ARVCF: variants seen among roughly 807,000 people sequenced by gnomAD.
ARVCF encodes splicing regulator ARVCF.
Under a neutral mutation model 90.9 loss-of-function variants are expected in ARVCF, and 66 were observed. The ratio of observed to expected loss-of-function variants is 0.73; its 90% CI spans 0.60 to 0.89. ARVCF has a LOEUF of 0.89. Ranked by LOEUF, ARVCF falls within the 40% of genes least tolerant of loss-of-function variation. The probability of loss-of-function intolerance (pLI) is 0.00; values close to 1 mark genes in which losing one functional copy is unlikely to be tolerated. For missense variants in ARVCF, 1,469 were observed against 1,382.3 expected (o/e 1.06, Z -1.00); for synonymous variants, 653 against 603.4 (o/e 1.08, Z -1.21).
At chr22:20,000,125 C>T (rs1601660486) in intron 2 of ARVCF, among the ~76,000 whole-genome samples, 2 of 152,322 alleles carry the variant, frequency 1.3e-5, no homozygotes, top group East Asian at 1.9e-4. Context: ...TCAGAGGAGC[C>T]AGTGGTGTGA....
chr22:19,970,150 G>A lies in ARVCF; in HGVS notation c.*606C>T. The A allele has an allele frequency of 1.0e-6, 1 of 986,606 alleles. No homozygotes were observed. The highest frequency in any genetic ancestry group is 1.2e-6 in the Non-Finnish European group (1 of 830,778). 61.1% of individuals were successfully genotyped at this position (986,606 alleles called of 1,614,324 possible). A position where few individuals can be genotyped will look rare whatever the true frequency, so the allele number is the denominator to read the frequency against. The stretch of plus-strand genomic sequence containing the variant: ...GAGAAAGGCTCTCTACTGCACAGGG[G>A]CCTCACGTGACTGCAGGGCTCTGGG... On this transcript the variant is annotated 3_prime_UTR_variant, in exon 20 of 20. Coordinates refer to ENST00000263207, the MANE Select transcript of ARVCF (RefSeq NM_001670.3).
intron 18 of ARVCF, among the ~76,000 whole-genome samples, chr22:19,971,660 C>T (rs550764962): frequency 5.3e-5 from 8 of 152,296 alleles, no homozygotes; most frequent in Non-Finnish European, 7.4e-5. Flanking sequence ...AGGCTCTGGC[C>T]CATGCAGGGT....
In ARVCF at chr22:19,980,166, G is replaced by C; in HGVS notation, c.973C>G (p.Leu325Val). 6.3e-7 allele frequency: 1 copy of C among 1,581,466 alleles called. No individual in the cohort carries two copies. Among genetic ancestry groups the C allele is most frequent in the East Asian group, 2.3e-5 (1 of 44,190 alleles). ...ATGCTGCCCCGTTCAGGCTGGGCCA[G>C]GGGCGCCGTCACCATTGGGAACGCA... ...RPAFPMVTAP[L>V]AQPERGSMGS... Residue 325 changes from leucine to valine, a missense_variant, in exon 6 of 20, where the codon CTG becomes GTG. Physicochemically the swap from Leu to Val is conservative, Grantham distance 32. Coordinates refer to ENST00000263207, the MANE Select transcript of ARVCF (RefSeq NM_001670.3).
At chr22:20,013,302 T>G (rs987015591) in intron 1 of ARVCF, among the ~76,000 whole-genome samples, 19 of 152,240 alleles carry the variant, frequency 1.2e-4, no homozygotes, top group Non-Finnish European at 4.4e-5. Context: ...GGGCACACAC[T>G]TGAAGGACAC....
rs113162666 is a variant in ARVCF at position 20,009,098 on chromosome 22, G to A, written c.-19+1357C>T. ...GCCTCCCTGAAGTGTGGTGACCTAC[G>A]AGGAGTTAAGGGCAGTGGGACAGCC... On this transcript the variant is annotated intron_variant, in intron 2 of 19. Coordinates refer to ENST00000263207, the MANE Select transcript of ARVCF (RefSeq NM_001670.3). Among the ~76,000 whole-genome samples the A allele has an allele frequency of 2.0e-3, 306 of 152,274 alleles. 2 individuals are homozygous for A. The Middle Eastern group carries it at 0.027, about 14-fold the overall frequency.
At chr22:19,975,181 C>T (rs1943080925) in intron 11 of ARVCF, among the ~76,000 whole-genome samples, 1 of 152,206 alleles carries the variant, frequency 6.6e-6, no homozygotes, top group African/African-American at 2.4e-5. Context: ...GACATGCAGG[C>T]TCTTCCAACT....
At chr22:19,974,013 C>T in intron 12 of ARVCF, 99 bp downstream of exon 12, 1 of 1,524,228 alleles carries the variant, frequency 6.6e-7, no homozygotes, top group Non-Finnish European at 8.8e-7. Context: ...GTGGTGTGGC[C>T]CCTCCTTTCC....
intron 18 of ARVCF, 130 bp from the exon 19 acceptor site, chr22:19,971,465 CAA>C: frequency 8.5e-7 from 1 of 1,180,470 alleles, no homozygotes; most frequent in South Asian, 1.6e-5. Flanking sequence ...CAGGTAGCAC[CAA>C]GGGCGCAGGG....
chr22:19,972,934 C>T lies in ARVCF; in HGVS notation c.2541G>A (p.Ala847=), dbSNP rs1169282767. The T allele has an allele frequency of 5.0e-6, 8 of 1,613,840 alleles. No homozygotes were observed. The highest frequency in any genetic ancestry group is 3.3e-5 in the Admixed American group (2 of 60,028). Residue 847 remains alanine, a synonymous_variant, in exon 15 of 20, where the codon GCG becomes GCA. Transcript: ENST00000263207. ...GTLQKDGWTK[A]RFQSAAATAK... ...GCCAGGGAAGCCGCACCTGGAAGCG[C>T]GCCTTGGTCCAACCATCTTTCTGCA... is the stretch of plus-strand genomic sequence containing the variant.
intron 2 of ARVCF, among the ~76,000 whole-genome samples, chr22:20,005,419 C>T (rs905650530): frequency 2.0e-5 from 3 of 151,924 alleles, no homozygotes; most frequent in Admixed American, 6.6e-5. Context: ...AATTAAGACC[C>T]TTGTGCACTG....
chr22:19,968,582 T>A (rs1318512993), downstream of ARVCF: 1 of 1,613,856 alleles, frequency 6.2e-7, no homozygotes, highest in African/African-American at 1.3e-5. Flanking sequence ...GCTGACAACG[T>A]GATCTGCCCA....
chr22:19,984,426 G>A lies in ARVCF; in HGVS notation c.211-2335C>T, dbSNP rs529362640. On this transcript the variant is annotated intron_variant, in intron 3 of 19. Transcript: ENST00000263207. ...TCAGCCCCGGCCTAGCAGCCCCGCA[G>A]TAGGATCCAGAGGCCCCAAGAGTCC... Among the ~76,000 whole-genome samples, 27 of 152,276 alleles carry A rather than the reference G, an allele frequency of 1.8e-4. No homozygotes were observed. The South Asian group carries it at 3.1e-3, about 18-fold the overall frequency.
intron 13 of ARVCF, 36 bp from the exon 14 acceptor site, chr22:19,973,353 G>T: frequency 6.5e-7 from 1 of 1,548,374 alleles, no homozygotes; most frequent in Non-Finnish European, 8.7e-7. Context: ...ACACACCTCT[G>T]CCCCACCTCT....
chr22:20,012,775 T>C (rs1197112975), intron 1 of ARVCF, among the ~76,000 whole-genome samples: 2 of 152,236 alleles, frequency 1.3e-5, no homozygotes, highest in African/African-American at 2.4e-5. Flanking sequence ...ACGGTATCCA[T>C]GGTCCAACCA....
intron 1 of ARVCF, among the ~76,000 whole-genome samples, chr22:20,014,200 T>C (rs1944940106): frequency 6.7e-6 from 1 of 149,614 alleles, no homozygotes; most frequent in Admixed American, 6.7e-5. Flanking sequence ...GTTTTGTTTG[T>C]TTTTGTTTTT....
intron 3 of ARVCF, among the ~76,000 whole-genome samples, chr22:19,989,092 C>T (rs1403182523): frequency 6.6e-6 from 1 of 152,202 alleles, no homozygotes; most frequent in Non-Finnish European, 1.5e-5. Context: ...CTCGGGGTCA[C>T]TGGCTTCCAC....
intron 16 of ARVCF, 104 bp downstream of exon 16, chr22:19,972,633 G>T: frequency 7.6e-7 from 1 of 1,308,656 alleles, no homozygotes; most frequent in Non-Finnish European, 1.0e-6. Context: ...TATGGAAGCC[G>T]TCTCAGTGGG....
Position 19,981,645 on chromosome 22 carries a change from TG to T in ARVCF, c.461del (p.Pro154HisfsTer2). 2 of 1,609,548 alleles carry T rather than the reference TG, an allele frequency of 1.2e-6. No homozygotes were observed. On this transcript the variant is annotated frameshift_variant, in exon 5 of 20. Transcript: ENST00000263207. LOFTEE classifies it high-confidence loss of function. ...GGGCACCATCTGCAAAAGGGCCTAGTGGGGGGCCGCCATCCAGCAGGGGGAG... is the reference window on the plus strand; with the variant it reads ...GGGCACCATCTGCAAAAGGGCCTAGTGGGGGCCGCCATCCAGCAGGGGGAG... Reference protein sequence around the residue: ...DGLPLLDGGPPLGPFADGALD... With the variant: ...DGLPLLDGGPXLGPFADGALD...
At position 19,990,831 on chromosome 22, in the gene ARVCF, A is replaced by G; in HGVS notation, c.-18-19T>C. 6.5e-7 allele frequency: 1 copy of G among 1,540,106 alleles called. No homozygotes were observed. The highest frequency in any genetic ancestry group is 8.8e-7 in the Non-Finnish European group (1 of 1,139,820). ...CCGCCAGCTGCAGGCAAAGCAGAGTAAGCTCAGTGGGGTGGGGCACAGCCT... is the reference window on the plus strand; with the variant it reads ...CCGCCAGCTGCAGGCAAAGCAGAGTGAGCTCAGTGGGGTGGGGCACAGCCT... On this transcript the variant is annotated intron_variant, in intron 2 of 19. Transcript: ENST00000263207.
Sources: gnomAD v4.1 joint callset for allele counts (sites outside exome capture counted in the v4.1 genomes callset) on GRCh38, gnomAD v4.1.1 for gene constraint, MANE v1.5 for transcripts, NCBI Gene and HGNC (gene_info 2026-07-23, HGNC 2026-07-21) for gene names.